Variants in HEMK2 observed in about 807,000 individuals in gnomAD.
HEMK2 encodes HemK methyltransferase 2, ETF1 glutamine and histone H4 lysine.
chr21:28,647,351 C>CA, the HEMK2 span, among the ~76,000 whole-genome samples: 21 of 119,214 alleles, frequency 1.8e-4, no homozygotes, highest in South Asian at 5.4e-4. Flanking sequence ...AAAAAACATA[C>CA]AAAAAAATTA....
chr21:28,688,018 G>T, the HEMK2 span, among the ~76,000 whole-genome samples: 2 of 152,132 alleles, frequency 1.3e-5, no homozygotes, highest in African/African-American at 2.4e-5. Context: ...TGAATCACTG[G>T]TTAAAAATAA....
the HEMK2 span, among the ~76,000 whole-genome samples, chr21:28,854,813 A>T: frequency 6.6e-6 from 1 of 152,316 alleles, no homozygotes; most frequent in African/African-American, 2.4e-5. Flanking sequence ...TGCCTTTCTC[A>T]GTCCACTGAC....
the HEMK2 span, among the ~76,000 whole-genome samples, chr21:28,785,719 C>A: frequency 1.3e-5 from 2 of 151,952 alleles, no homozygotes; most frequent in African/African-American, 4.8e-5. Flanking sequence ...CCTCATAGCC[C>A]CAGCCGACAC....
At chr21:28,788,644 C>T in the HEMK2 span, among the ~76,000 whole-genome samples, 2 of 150,958 alleles carry the variant, frequency 1.3e-5, no homozygotes, top group Non-Finnish European at 2.9e-5. Flanking sequence ...ACTCATGTAG[C>T]CAAATACCAC....
At chr21:28,643,418 T>A in the HEMK2 span, among the ~76,000 whole-genome samples, 8 of 151,238 alleles carry the variant, frequency 5.3e-5, no homozygotes, top group African/African-American at 1.2e-4. Context: ...CAGTGGCTCA[T>A]GCCTGTAATT....
chr21:28,577,842 T>C, the HEMK2 span, among the ~76,000 whole-genome samples: 11 of 152,180 alleles, frequency 7.2e-5, no homozygotes, highest in African/African-American at 2.7e-4. Flanking sequence ...TTCCTCAATA[T>C]TACCCAAGTC....
the HEMK2 span, among the ~76,000 whole-genome samples, chr21:28,653,149 A>G: frequency 6.6e-6 from 1 of 151,188 alleles, no homozygotes; most frequent in African/African-American, 2.5e-5. Context: ...AGTACTGGTC[A>G]CTAAAGGATG....
chr21:28,610,674 A>G, the HEMK2 span, among the ~76,000 whole-genome samples: 1 of 152,188 alleles, frequency 6.6e-6, no homozygotes, highest in Non-Finnish European at 1.5e-5. Flanking sequence ...ATAAGGACTC[A>G]CACAAACTTA....
chr21:28,601,588 T>C, the HEMK2 span, among the ~76,000 whole-genome samples: 2,624 of 149,418 alleles, frequency 0.018, 104 homozygotes, highest in African/African-American at 0.063. Flanking sequence ...CTCCCTAGCA[T>C]TAGTCACCTT....
chr21:28,672,620 G>A, the HEMK2 span, among the ~76,000 whole-genome samples: 5 of 152,166 alleles, frequency 3.3e-5, no homozygotes, highest in South Asian at 1.0e-3. Context: ...TCCCCAACCA[G>A]TGTACACCCC....
the HEMK2 span, among the ~76,000 whole-genome samples, chr21:28,661,615 T>C: frequency 1.3e-5 from 2 of 152,086 alleles, no homozygotes; most frequent in African/African-American, 4.8e-5. Flanking sequence ...GCTGAGTCTC[T>C]TGTATTTCAT....
At chr21:28,726,047 C>A in the HEMK2 span, among the ~76,000 whole-genome samples, 1 of 152,072 alleles carries the variant, frequency 6.6e-6, no homozygotes, top group East Asian at 1.9e-4. Context: ...TCCTTAAAGT[C>A]ATATTTCCAT....
chr21:28,729,620 G>A, the HEMK2 span, among the ~76,000 whole-genome samples: 88 of 131,868 alleles, frequency 6.7e-4, no homozygotes, highest in Admixed American at 4.9e-3. Context: ...TAACACTAAC[G>A]ATTGCTGATA....
At chr21:28,841,174 TATAA>T in the HEMK2 span, among the ~76,000 whole-genome samples, 1 of 26,686 alleles carries the variant, frequency 3.7e-5, no homozygotes, top group Non-Finnish European at 5.4e-5. Flanking sequence ...ATATATAATA[TATAA>T]ATATATATTA....
the HEMK2 span, chr21:28,671,185 G>C: frequency 6.6e-6 from 1 of 152,198 alleles, no homozygotes; most frequent in Admixed American, 6.5e-5. Context: ...TGTGATCCAT[G>C]TATTTCTCCT....
the HEMK2 span, among the ~76,000 whole-genome samples, chr21:28,731,930 C>A: frequency 2.6e-5 from 4 of 152,186 alleles, no homozygotes; most frequent in Middle Eastern, 3.2e-3. Context: ...TAGCTGGTAG[C>A]CCACACAGAG....
chr21:28,608,053 G>C, the HEMK2 span, among the ~76,000 whole-genome samples: 1 of 152,114 alleles, frequency 6.6e-6, no homozygotes, highest in South Asian at 2.1e-4. Context: ...TCCAAGACTT[G>C]AGCTGCAGGA....
chr21:28,630,323 T>C, the HEMK2 span, among the ~76,000 whole-genome samples: 3 of 152,202 alleles, frequency 2.0e-5, no homozygotes, highest in African/African-American at 7.2e-5. Flanking sequence ...ACTTTTACAC[T>C]GTTGGTGGGA....
At chr21:28,820,807 G>A in the HEMK2 span, among the ~76,000 whole-genome samples, 1 of 152,182 alleles carries the variant, frequency 6.6e-6, no homozygotes, top group African/African-American at 2.4e-5. Flanking sequence ...TCCATAGGGG[G>A]TTTTCTTTGT....
Sources: gnomAD v4.1 joint callset for allele counts (sites outside exome capture counted in the v4.1 genomes callset) on GRCh38, gnomAD v4.1.1 for gene constraint, MANE v1.5 for transcripts, NCBI Gene and HGNC (gene_info 2026-07-23, HGNC 2026-07-21) for gene names.